TM9SF4: variants seen among roughly 807,000 people sequenced by gnomAD.
The protein encoded by TM9SF4 is transmembrane 9 superfamily member 4, also known as dinucleotide oxidase disulfide thiol exchanger 3 superfamily member 4.
A neutral mutation model predicts 90.4 loss-of-function variants in TM9SF4; 26 were observed. The observed-to-expected ratio is 0.29, with a 90% confidence interval of 0.21 to 0.40. TM9SF4 has a LOEUF of 0.40. TM9SF4 is among the 10% of genes least tolerant of loss of function. The pLI, the probability that TM9SF4 is intolerant of heterozygous loss-of-function variation, is 1.00. For missense variants in TM9SF4, 549 were observed against 834.8 expected (o/e 0.66, Z 4.22); for synonymous variants, 293 against 315.4 (o/e 0.93, Z 0.75).
chr20:32,151,477 G>C (rs954258538), intron 12 of TM9SF4, among the ~76,000 whole-genome samples: 1 of 152,024 alleles, frequency 6.6e-6, no homozygotes, highest in African/African-American at 2.4e-5. Flanking sequence ...GAAGACTCTT[G>C]GGTGCCCACA....
At chr20:32,131,532 G>T (rs1362058904) in intron 1 of TM9SF4, among the ~76,000 whole-genome samples, 3 of 151,592 alleles carry the variant, frequency 2.0e-5, no homozygotes, top group Non-Finnish European at 2.9e-5. Flanking sequence ...TGCTTGGTTG[G>T]TTGGATGGGG....
At chr20:32,155,627 T>C (rs886669255) in intron 13 of TM9SF4, among the ~76,000 whole-genome samples, 1 of 152,150 alleles carries the variant, frequency 6.6e-6, no homozygotes, top group East Asian at 1.9e-4. Context: ...CCCTTAGAGC[T>C]GGGAATCCTG....
At chr20:32,120,777 T>A (rs1211468775) in intron 1 of TM9SF4, among the ~76,000 whole-genome samples, 1 of 144,092 alleles carries the variant, frequency 6.9e-6, no homozygotes, top group Non-Finnish European at 1.5e-5. Flanking sequence ...TGGCTGTGGA[T>A]TTTTCATAGC....
chr20:32,153,519 C>T (rs186862566), intron 12 of TM9SF4, among the ~76,000 whole-genome samples: 137 of 152,320 alleles, frequency 9.0e-4, no homozygotes, highest in Middle Eastern at 3.4e-3. Flanking sequence ...GAGGCCGAGG[C>T]AGGAGGATCA....
rs1260478153 is a variant in TM9SF4, at chr20:32,133,256, C to T, written c.129+130C>T. 4.4e-6 allele frequency: 3 copies of T among 682,774 alleles called. No individual in the cohort carries two copies. In the African/African-American group the frequency reaches 5.4e-5, roughly 12 times the overall value. The allele number at this position is 682,774 out of a possible 1,614,324, so 42.3% of individuals were successfully genotyped here. ...AGTGCCAGTTACCCCGGAACTCTGCCTCTCCCTCTCCCTGTGCCTCTGGTT... is the reference window on the plus strand; with the variant it reads ...AGTGCCAGTTACCCCGGAACTCTGCTTCTCCCTCTCCCTGTGCCTCTGGTT... On this transcript the variant is annotated intron_variant, in intron 2 of 17. Coordinates refer to ENST00000398022, the MANE Select transcript of TM9SF4 (RefSeq NM_014742.4).
At chr20:32,141,241 A>T (rs924616483) in intron 3 of TM9SF4, among the ~76,000 whole-genome samples, 2 of 147,916 alleles carry the variant, frequency 1.4e-5, no homozygotes, top group Non-Finnish European at 3.0e-5. Context: ...AAAAAAAAAA[A>T]GGATGTGATG....
intron 9 of TM9SF4, among the ~76,000 whole-genome samples, chr20:32,148,428 G>A (rs1317708814): frequency 6.6e-6 from 1 of 152,028 alleles, no homozygotes; most frequent in Non-Finnish European, 1.5e-5. Flanking sequence ...ATCAAGAACT[G>A]TAAAACAGGC....
At chr20:32,131,274 A>T (rs979417327) in intron 1 of TM9SF4, among the ~76,000 whole-genome samples, 2 of 152,238 alleles carry the variant, frequency 1.3e-5, no homozygotes, top group Non-Finnish European at 2.9e-5. Flanking sequence ...GAAAAACTCC[A>T]TGAAAATATT....
In TM9SF4 at chr20:32,149,622, C is replaced by A; in HGVS notation, c.955-12C>A. On this transcript the variant is annotated splice_polypyrimidine_tract_variant and intron_variant, in intron 9 of 17. Coordinates refer to ENST00000398022, the MANE Select transcript of TM9SF4 (RefSeq NM_014742.4). Reference sequence around the variant, plus strand: ...CTTCAACAACCAGCCTCACTCTGGCCCTTCGCTGCAGGAAGACACCATGGA... The same window carrying A: ...CTTCAACAACCAGCCTCACTCTGGCACTTCGCTGCAGGAAGACACCATGGA... 2 of 1,614,192 alleles carry A rather than the reference C, an allele frequency of 1.2e-6. No homozygotes were observed. Among genetic ancestry groups the A allele is most frequent in the Non-Finnish European group, 1.7e-6 (2 of 1,180,044 alleles).
At chr20:32,123,866 A>ATATTTTTTTTTTTTTTTT in intron 1 of TM9SF4, among the ~76,000 whole-genome samples, 1 of 93,980 alleles carries the variant, frequency 1.1e-5, no homozygotes, top group African/African-American at 4.6e-5. Context: ...ATATATATAT[A>ATATTTTTTTTTTTTTTTT]TTTTTTTTTT....
At chr20:32,109,958 T>G in intron 1 of TM9SF4, 1 of 1,412,532 alleles carries the variant, frequency 7.1e-7, no homozygotes, top group East Asian at 2.5e-5. Context: ...AGGCCCCGAG[T>G]TTTGGGGGAG....
At chr20:32,111,248 T>G (rs1453147866) in intron 1 of TM9SF4, among the ~76,000 whole-genome samples, 1 of 152,198 alleles carries the variant, frequency 6.6e-6, no homozygotes, top group East Asian at 1.9e-4. Context: ...TGTTGAAACC[T>G]ACATATATGT....
chr20:32,139,819 C>T (rs751925050), intron 3 of TM9SF4, among the ~76,000 whole-genome samples: 1 of 152,222 alleles, frequency 6.6e-6, no homozygotes, highest in Non-Finnish European at 1.5e-5. Flanking sequence ...AGTGCCTCCC[C>T]CACCCCAAAG....
At position 32,127,629 on chromosome 20, in the gene TM9SF4, T is replaced by C. The variant is rs1345174289; in HGVS notation, c.16-5384T>C. On this transcript the variant is annotated intron_variant, in intron 1 of 17. Coordinates refer to ENST00000398022, the MANE Select transcript of TM9SF4 (RefSeq NM_014742.4). ...TTCCTGTTCGGGCATTCTTGTTGTG[T>C]CTTTTTGTTTTTGTTTTTTTATGTG... is the stretch of plus-strand genomic sequence containing the variant. 2.6e-5 allele frequency among the ~76,000 whole-genome samples: 4 copies of C among 152,186 alleles called. No individual in the cohort carries two copies. The East Asian group carries it at 7.7e-4, about 29-fold the overall frequency.
chr20:32,121,884 ACCCCCCCACCTCCCTCCCGGACGGGGCG>A (rs2046315622), intron 1 of TM9SF4, among the ~76,000 whole-genome samples: 2 of 121,692 alleles, frequency 1.6e-5, no homozygotes, highest in East Asian at 2.6e-4. Context: ...CGGGGGGCTG[ACCCCCCCACCTCCCTCCCGGACGGGGCG>A]GCTGGCCGGG....
intron 17 of TM9SF4, among the ~76,000 whole-genome samples, chr20:32,163,190 G>C (rs2047042259): frequency 6.9e-6 from 1 of 143,966 alleles, no homozygotes; most frequent in Non-Finnish European, 1.5e-5. Context: ...AGGTTGCAGT[G>C]AGCCAAGATC....
At chr20:32,138,962 G>A (rs944549861) in intron 3 of TM9SF4, among the ~76,000 whole-genome samples, 1 of 152,198 alleles carries the variant, frequency 6.6e-6, no homozygotes, top group Non-Finnish European at 1.5e-5. Flanking sequence ...TTCAGCAGTG[G>A]GCTCTGCAGA....
At position 32,150,861 on chromosome 20, in the gene TM9SF4, A is replaced by T; in HGVS notation, c.1231A>T (p.Lys411Ter). The change falls in exon 12 of 18, where the codon AAA becomes TAA. Residue 411 changes from lysine to a stop codon, truncating the protein, a stop_gained. Coordinates refer to ENST00000398022, the MANE Select transcript of TM9SF4 (RefSeq NM_014742.4). LOFTEE classifies it high-confidence loss of function. ...CACTTTAAAAGGCCATCGGTGGAAG[A>T]AAGGAGCCTTCTGTGTGAGTGTCCT... ...YRTLKGHRWK[K>*]GAFCTATLYP... The T allele has an allele frequency of 6.2e-7, 1 of 1,614,166 alleles. No individual in the cohort carries two copies. Among genetic ancestry groups the T allele is most frequent in the Non-Finnish European group, 8.5e-7 (1 of 1,180,032 alleles).
At chr20:32,130,094 A>C (rs2046488911) in intron 1 of TM9SF4, among the ~76,000 whole-genome samples, 1 of 152,218 alleles carries the variant, frequency 6.6e-6, no homozygotes, top group Non-Finnish European at 1.5e-5. Context: ...TGAAAATACC[A>C]AGATGGTGAC....
Sources: gnomAD v4.1 joint callset for allele counts (sites outside exome capture counted in the v4.1 genomes callset) on GRCh38, gnomAD v4.1.1 for gene constraint, MANE v1.5 for transcripts, NCBI Gene and HGNC (gene_info 2026-07-23, HGNC 2026-07-21) for gene names.